Variants in PLCB1 observed in about 807,000 individuals in gnomAD.
PLCB1 encodes the protein 1-phosphatidylinositol 4,5-bisphosphate phosphodiesterase beta-1.
Under a neutral mutation model 161.8 loss-of-function variants are expected in PLCB1, and 46 were observed. That is an observed-to-expected ratio of 0.28 (90% CI 0.22 to 0.36). The LOEUF is 0.36. Among genes scored for constraint, PLCB1 ranks in the 10% least tolerant of loss-of-function variants. The pLI is 1.00. For synonymous variants in PLCB1, 517 were observed against 503.7 expected (o/e 1.03, Z -0.35); for missense variants, 1,016 against 1,472.5 (o/e 0.69, Z 5.07).
At chr20:8,499,054 T>A (rs1398545097) in intron 3 of PLCB1, among the ~76,000 whole-genome samples, 1 of 152,134 alleles carries the variant, frequency 6.6e-6, no homozygotes, top group African/African-American at 2.4e-5. Context: ...CAAGAAAAAA[T>A]AAGATTCTTT....
At chr20:8,654,880 T>C (rs1989413484) in intron 7 of PLCB1, among the ~76,000 whole-genome samples, 1 of 152,040 alleles carries the variant, frequency 6.6e-6, no homozygotes, top group African/African-American at 2.4e-5. Context: ...CCTAAACATC[T>C]CCCCTATAGC....
chr20:8,424,429 T>C (rs932913228), intron 3 of PLCB1, among the ~76,000 whole-genome samples: 19 of 152,332 alleles, frequency 1.2e-4, no homozygotes, highest in African/African-American at 4.6e-4. Context: ...ATTTCTATGA[T>C]GCAGCACTCT....
intron 2 of PLCB1, among the ~76,000 whole-genome samples, chr20:8,245,978 G>A (rs1247132165): frequency 6.6e-6 from 1 of 151,902 alleles, no homozygotes; most frequent in Non-Finnish European, 1.5e-5. Flanking sequence ...CCATTTGAGT[G>A]TCTGTGATTT....
chr20:8,682,277 G>T (rs1990241054), intron 9 of PLCB1, among the ~76,000 whole-genome samples: 1 of 152,160 alleles, frequency 6.6e-6, no homozygotes, highest in African/African-American at 2.4e-5. Flanking sequence ...GTGGTGGGAG[G>T]ATCGCTTGAG....
intron 31 of PLCB1, among the ~76,000 whole-genome samples, chr20:8,815,661 C>T (rs1985052061): frequency 2.0e-5 from 3 of 152,150 alleles, no homozygotes; most frequent in Admixed American, 2.0e-4. Flanking sequence ...TACTCCCGAC[C>T]TCAAACCCGA....
At chr20:8,599,043 CTCTT>C (rs1987439332) in intron 3 of PLCB1, among the ~76,000 whole-genome samples, 2 of 146,890 alleles carry the variant, frequency 1.4e-5, no homozygotes, top group Admixed American at 1.4e-4. Flanking sequence ...TGGGTCTTGA[CTCTT>C]TATCCAATTT....
chr20:8,576,574 C>G (rs2327045), intron 3 of PLCB1, among the ~76,000 whole-genome samples: 1 of 151,982 alleles, frequency 6.6e-6, no homozygotes, highest in Non-Finnish European at 1.5e-5. Flanking sequence ...TTATATATAA[C>G]TAAAAATCTA....
At chr20:8,756,881 T>C (rs898561272) in intron 23 of PLCB1, among the ~76,000 whole-genome samples, 165 bp from the exon 24 acceptor site, 12 of 152,210 alleles carry the variant, frequency 7.9e-5, no homozygotes, top group African/African-American at 2.9e-4. Flanking sequence ...TAGTCATGGC[T>C]CAACACTATG....
chr20:8,514,242 C>A (rs953609845), intron 3 of PLCB1, among the ~76,000 whole-genome samples: 2 of 151,690 alleles, frequency 1.3e-5, no homozygotes, highest in Admixed American at 1.3e-4. Flanking sequence ...GAGTTCGAGA[C>A]CAACCTGGGC....
intron 2 of PLCB1, among the ~76,000 whole-genome samples, chr20:8,334,485 A>T (rs1985494741): frequency 6.6e-6 from 1 of 152,258 alleles, no homozygotes; most frequent in Non-Finnish European, 1.5e-5. Context: ...TAACTTGTTA[A>T]CAAGATTTGA....
At chr20:8,637,458 G>A (rs1189893751) in intron 4 of PLCB1, among the ~76,000 whole-genome samples, 1 of 152,092 alleles carries the variant, frequency 6.6e-6, no homozygotes, top group African/African-American at 2.4e-5. Context: ...TAAATAGCAA[G>A]TACAGGAATG....
intron 3 of PLCB1, among the ~76,000 whole-genome samples, chr20:8,613,167 A>G (rs1987949166): frequency 6.6e-6 from 1 of 152,262 alleles, no homozygotes; most frequent in Admixed American, 6.5e-5. Context: ...GAAGTGCCCA[A>G]TACTGTCCAA....
intron 2 of PLCB1, among the ~76,000 whole-genome samples, chr20:8,283,349 A>G (rs1982966737): frequency 6.6e-6 from 1 of 152,076 alleles, no homozygotes; most frequent in African/African-American, 2.4e-5. Flanking sequence ...ACTATTACCC[A>G]TAAATTCAAA....
chr20:8,854,637 T>C (rs1363353849), intron 31 of PLCB1, among the ~76,000 whole-genome samples: 1 of 152,214 alleles, frequency 6.6e-6, no homozygotes, highest in African/African-American at 2.4e-5. Flanking sequence ...GAAAAGGACC[T>C]TTGGCTGACA....
intron 2 of PLCB1, among the ~76,000 whole-genome samples, chr20:8,157,282 T>C (rs1364996909): frequency 6.6e-6 from 1 of 152,218 alleles, no homozygotes; most frequent in African/African-American, 2.4e-5. Flanking sequence ...AGGACTTTGA[T>C]AGGAGAAAAT....
chr20:8,177,770 G>A (rs6055593), intron 2 of PLCB1, among the ~76,000 whole-genome samples: 53,363 of 151,908 alleles, frequency 0.35, 10,150 homozygotes, highest in African/African-American at 0.5. Context: ...GATTTGCTGT[G>A]CATATTATTT....
chr20:8,410,007 A>G (rs1254768726), intron 3 of PLCB1, among the ~76,000 whole-genome samples: 1 of 152,172 alleles, frequency 6.6e-6, no homozygotes, highest in Non-Finnish European at 1.5e-5. Context: ...ATAGCTAAAA[A>G]AAAATTAGAA....
chr20:8,194,467 A>G (rs1253388826), intron 2 of PLCB1, among the ~76,000 whole-genome samples: 1 of 151,994 alleles, frequency 6.6e-6, no homozygotes, highest in Non-Finnish European at 1.5e-5. Context: ...AGTTAAATTA[A>G]CCATACTTCT....
At chr20:8,321,057 G>A (rs1251577969) in intron 2 of PLCB1, among the ~76,000 whole-genome samples, 3 of 151,966 alleles carry the variant, frequency 2.0e-5, no homozygotes, top group African/African-American at 7.3e-5. Context: ...AAAGTATAAT[G>A]GATTCCAATA....
Sources: gnomAD v4.1 joint callset for allele counts (sites outside exome capture counted in the v4.1 genomes callset) on GRCh38, gnomAD v4.1.1 for gene constraint, MANE v1.5 for transcripts, NCBI Gene and HGNC (gene_info 2026-07-23, HGNC 2026-07-21) for gene names.